The following NEK5 variants were observed in gnomAD, a reference collection of about 807,000 sequenced individuals.
NEK5 encodes the protein serine/threonine-protein kinase Nek5.
A neutral mutation model predicts 109.2 loss-of-function variants in NEK5; 88 were observed. The observed-to-expected ratio is 0.81, with a 90% CI of 0.68 to 0.96. The LOEUF is 0.96. NEK5 is among the 40% of genes least tolerant of loss of function. The probability of loss-of-function intolerance (pLI) is 0.00; values close to 1 mark genes in which losing one functional copy is unlikely to be tolerated. For missense variants in NEK5, 834 were observed against 920.7 expected, an observed-to-expected ratio of 0.91 and a Z score of 1.22; for synonymous variants, 283 against 299.9, an observed-to-expected ratio of 0.94 and a Z score of 0.58.
chr13:52,092,883 A>C (rs1955318383), intron 13 of NEK5, among the ~76,000 whole-genome samples, 171 bp downstream of exon 13: 1 of 152,218 alleles, frequency 6.6e-6, no homozygotes, highest in Admixed American at 6.5e-5. Context: ...GAGACTGTCT[A>C]CAAAAGCAAA....
At chr13:52,105,766 C>T (rs909501497) in intron 8 of NEK5, among the ~76,000 whole-genome samples, 1 of 152,196 alleles carries the variant, frequency 6.6e-6, no homozygotes, top group Non-Finnish European at 1.5e-5. Flanking sequence ...TGTGGTGAAC[C>T]AGTCCTCTAA....
chr13:52,047,988 AAC>A (rs1954473670), intron 23 of NEK5, among the ~76,000 whole-genome samples: 1 of 152,226 alleles, frequency 6.6e-6, no homozygotes, highest in African/African-American at 2.4e-5. Context: ...TCCTCTTGAA[AAC>A]ACAAGAGGAA....
In NEK5 at chr13:52,087,323, T is replaced by A. The variant is rs760648068; in HGVS notation, c.1392+15A>T. Reference sequence around the variant, plus strand: ...AGAAATACAAGGGTAGCCCTGGAATTAAACAGTTTTTAACCTGTTCCTTCA... The same window carrying A: ...AGAAATACAAGGGTAGCCCTGGAATAAAACAGTTTTTAACCTGTTCCTTCA... On this transcript the variant is annotated intron_variant, in intron 15 of 23. Transcript: ENST00000684899. 6 of 1,248,558 alleles carry A rather than the reference T, an allele frequency of 4.8e-6. No individual in the cohort carries two copies. The East Asian group carries it at 1.4e-4, about 29-fold the overall frequency. 77.3% of individuals were successfully genotyped at this position (1,248,558 alleles called of 1,614,324 possible).
chr13:52,110,068 G>A (rs556292617), intron 7 of NEK5, among the ~76,000 whole-genome samples: 7 of 152,132 alleles, frequency 4.6e-5, no homozygotes, highest in Admixed American at 6.6e-5. Context: ...CCTATTTCAC[G>A]AAATTCTCTC....
At chr13:52,108,449 G>T in intron 7 of NEK5, 45 bp from the exon 8 acceptor site, 1 of 1,262,244 alleles carries the variant, frequency 7.9e-7, no homozygotes, top group East Asian at 2.4e-5. Flanking sequence ...TTTTTTATTG[G>T]AGTAAGAAAA....
chr13:52,097,871 C>A (rs1955449065), intron 12 of NEK5, among the ~76,000 whole-genome samples: 1 of 151,342 alleles, frequency 6.6e-6, no homozygotes, highest in South Asian at 2.1e-4. Context: ...GAATTGTAAT[C>A]CCTGATGTTG....
chr13:52,076,210 T>C, intron 17 of NEK5, 67 bp from the exon 18 acceptor site: 1 of 822,710 alleles, frequency 1.2e-6, no homozygotes, highest in Non-Finnish European at 2.0e-6. Flanking sequence ...CTGCGTTAAA[T>C]CTGATGATTG....
At chr13:52,119,971 G>A (rs1238672779) in intron 3 of NEK5, among the ~76,000 whole-genome samples, 2 of 152,084 alleles carry the variant, frequency 1.3e-5, no homozygotes, top group Non-Finnish European at 2.9e-5. Context: ...TTGCCAAGGG[G>A]TTTGGTGCCA....
intron 21 of NEK5, 122 bp downstream of exon 21, chr13:52,065,362 G>A: frequency 7.6e-7 from 1 of 1,320,018 alleles, no homozygotes; most frequent in Non-Finnish European, 1.1e-6. Context: ...ATATTTGAAA[G>A]TGTCTGATAC....
At chr13:52,089,358 T>A in intron 13 of NEK5, 45 bp from the exon 14 acceptor site, 1 of 1,161,798 alleles carries the variant, frequency 8.6e-7, no homozygotes, top group South Asian at 1.3e-5. Context: ...CTTGAACAAA[T>A]CTTAGGCACC....
At chr13:52,101,584 C>A (rs1955532454) in intron 11 of NEK5, among the ~76,000 whole-genome samples, 1 of 152,116 alleles carries the variant, frequency 6.6e-6, no homozygotes, top group Non-Finnish European at 1.5e-5. Flanking sequence ...AAATAAGTTT[C>A]ATCTCATCAT....
At chr13:52,054,486 G>GT (rs1954535332) in intron 22 of NEK5, among the ~76,000 whole-genome samples, 1 of 152,198 alleles carries the variant, frequency 6.6e-6, no homozygotes, top group Non-Finnish European at 1.5e-5. Context: ...CCAGGTAGAA[G>GT]TTTTAATAAT....
chr13:52,093,279 G>GTGTGAGCCACTGCACCCAGC, intron 12 of NEK5, 44 bp from the exon 13 acceptor site: 3 of 1,478,060 alleles, frequency 2.0e-6, no homozygotes, highest in Non-Finnish European at 2.8e-6. Flanking sequence ...CATAATACAG[G>GTGTGAGCCACTGCACCCAGC]CTGGGTGCAG....
intron 6 of NEK5, 21 bp from the exon 7 acceptor site, chr13:52,110,431 A>G (rs1211061113): frequency 1.9e-6 from 3 of 1,609,464 alleles, no homozygotes; most frequent in Non-Finnish European, 2.6e-6. Flanking sequence ...AGAAAATGTC[A>G]TGTTGTTTGA....
At position 52,034,076 on chromosome 13, in the gene NEK5, GAC is replaced by G. The variant is rs1272257178; in HGVS notation, c.*2870_*2871del. 3 of 152,126 alleles carry G rather than the reference GAC, an allele frequency of 2.0e-5. No individual in the cohort carries two copies. The highest frequency in any genetic ancestry group is 6.6e-5 in the Admixed American group (1 of 15,260). 9.4% of individuals were successfully genotyped at this position (152,126 alleles called of 1,614,324 possible). Reference sequence around the variant, plus strand: ...GTTGTACTATATGCAAATGTTACTAGACACAGAGGAGGTCAAAGTGTTGATAC... The same window carrying G: ...GTTGTACTATATGCAAATGTTACTAGACAGAGGAGGTCAAAGTGTTGATAC... On this transcript the variant is annotated 3_prime_UTR_variant, in exon 24 of 24. Coordinates refer to ENST00000684899, the MANE Select transcript of NEK5 (RefSeq NM_001365552.1).
At chr13:52,079,286 A>ATCCCTC (rs11275738) in intron 17 of NEK5, among the ~76,000 whole-genome samples, 67,063 of 127,832 alleles carry the variant, frequency 0.52, 18,517 homozygotes, top group East Asian at 0.66. Flanking sequence ...AAGTAATCTG[A>ATCCCTC]TCCCTCTCCC....
At chr13:52,064,702 T>C (rs574791154) in intron 21 of NEK5, 26 of 242,522 alleles carry the variant, frequency 1.1e-4, no homozygotes, top group South Asian at 1.0e-3. Context: ...GGGGAAAAGA[T>C]TGAGAAATCG....
chr13:52,084,758 AGAGAGTGTGTGTGTGTGT>A (rs1459187539), intron 16 of NEK5, among the ~76,000 whole-genome samples: 13 of 45,102 alleles, frequency 2.9e-4, no homozygotes, highest in African/African-American at 6.4e-4. Flanking sequence ...AGAGAGAGAG[AGAGAGTGTGTGTGTGTGT>A]GTGTGTGTGT....
chr13:52,046,704 C>G (rs1408900919), intron 23 of NEK5, among the ~76,000 whole-genome samples: 1 of 151,582 alleles, frequency 6.6e-6, no homozygotes, highest in Non-Finnish European at 1.5e-5. Context: ...GCACTCCAAC[C>G]TGGGTGATAG....
Sources: gnomAD v4.1 joint callset for allele counts (sites outside exome capture counted in the v4.1 genomes callset) on GRCh38, gnomAD v4.1.1 for gene constraint, MANE v1.5 for transcripts, NCBI Gene and HGNC (gene_info 2026-07-23, HGNC 2026-07-21) for gene names.